PLCG2: variants seen among roughly 807,000 people sequenced by gnomAD.
The protein encoded by PLCG2 is 1-phosphatidylinositol 4,5-bisphosphate phosphodiesterase gamma-2.
Under a neutral mutation model 175.6 loss-of-function variants are expected in PLCG2, and 69 were observed. The observed-to-expected ratio is 0.39, with a 90% CI of 0.32 to 0.48. The LOEUF (loss-of-function observed/expected upper bound fraction) is 0.48. Among genes scored for constraint, PLCG2 ranks in the 20% least tolerant of loss-of-function variants. PLCG2 has a pLI of 0.91. For synonymous variants in PLCG2, 827 were observed against 624.0 expected, an observed-to-expected ratio of 1.33 and a Z score of -4.85; for missense variants, 1,798 against 1,650.9, an observed-to-expected ratio of 1.09 and a Z score of -1.54.
chr16:81,945,671 A>G (rs955228872), intron 30 of PLCG2, among the ~76,000 whole-genome samples: 5 of 152,242 alleles, frequency 3.3e-5, no homozygotes, highest in African/African-American at 1.2e-4. Context: ...AATTGTAAAG[A>G]GGGAATGGCT....
At chr16:81,799,507 C>T (rs1169385238) in intron 2 of PLCG2, among the ~76,000 whole-genome samples, 1 of 152,112 alleles carries the variant, frequency 6.6e-6, no homozygotes, top group African/African-American at 2.4e-5. Context: ...TCACTGTAGC[C>T]TTGAACTCCT....
intron 5 of PLCG2, among the ~76,000 whole-genome samples, chr16:81,860,477 G>T (rs1185827462): frequency 6.6e-6 from 1 of 152,034 alleles, no homozygotes; most frequent in Admixed American, 6.6e-5. Flanking sequence ...GTAGCAATTT[G>T]TATAATATTT....
intron 17 of PLCG2, 79 bp downstream of exon 17, chr16:81,908,670 C>G: frequency 7.6e-7 from 1 of 1,319,704 alleles, no homozygotes; most frequent in Non-Finnish European, 1.0e-6. Context: ...GGTTCTAGCT[C>G]AGGCAGGAAT....
intron 5 of PLCG2, among the ~76,000 whole-genome samples, chr16:81,866,766 C>T (rs1386416794): frequency 1.3e-5 from 2 of 152,184 alleles, no homozygotes; most frequent in African/African-American, 2.4e-5. Flanking sequence ...AGGATGGGCT[C>T]CACTGGGGCA....
chr16:81,756,597 GGTGGTGGGGGAAAGAAGGAAGCTAAGT>G (rs1452763077), intron 2 of PLCG2, among the ~76,000 whole-genome samples: 18 of 152,182 alleles, frequency 1.2e-4, no homozygotes, highest in African/African-American at 3.9e-4. Context: ...CAGGCACAGA[GGTGGTGGGGGAAAGAAGGAAGCTAAGT>G]GAGAGGTACC....
At chr16:81,955,756 C>T (rs370810146) in intron 31 of PLCG2, among the ~76,000 whole-genome samples, 3 of 152,300 alleles carry the variant, frequency 2.0e-5, no homozygotes, top group South Asian at 4.1e-4. Flanking sequence ...CCCACGGATG[C>T]GTCTAGTTGG....
intron 5 of PLCG2, among the ~76,000 whole-genome samples, chr16:81,860,613 G>C (rs1193438405): frequency 6.6e-6 from 1 of 152,076 alleles, no homozygotes; most frequent in Non-Finnish European, 1.5e-5. Flanking sequence ...TATGGGTGAG[G>C]TTGAGCATTT....
chr16:81,804,172 T>A (rs1421076327), intron 2 of PLCG2, among the ~76,000 whole-genome samples: 1 of 152,216 alleles, frequency 6.6e-6, no homozygotes, highest in East Asian at 1.9e-4. Context: ...CCACCAGCAA[T>A]GTATGAGGGC....
intron 2 of PLCG2, among the ~76,000 whole-genome samples, chr16:81,764,518 G>A (rs780735825): frequency 1.1e-4 from 16 of 152,292 alleles, no homozygotes; most frequent in South Asian, 4.1e-4. Context: ...ACACTTTTGC[G>A]ACACTGATCA....
In PLCG2 at chr16:81,880,923, T is replaced by G; in HGVS notation, c.662T>G (p.Phe221Cys). The G allele has an allele frequency of 6.2e-7, 1 of 1,614,208 alleles. No individual in the cohort carries two copies. The highest frequency in any genetic ancestry group is 8.5e-7 in the Non-Finnish European group (1 of 1,180,008). The change falls in exon 8 of 33, where the codon TTC (phenylalanine) becomes TGC (cysteine). Residue 221 changes from phenylalanine to cysteine, a missense_variant. Phe to Cys is a radical substitution (Grantham distance 205). Coordinates refer to ENST00000564138, the MANE Select transcript of PLCG2 (RefSeq NM_002661.5). Reference sequence around the variant, plus strand: ...TTTCCATTTCAGATTCTCGATGAATTCAAAAAGGATTCGTCCGTGTTCATC... The same window carrying G: ...TTTCCATTTCAGATTCTCGATGAATGCAAAAAGGATTCGTCCGTGTTCATC... ...FEQQKSILDE[F>C]KKDSSVFILG...
At chr16:81,765,800 C>T (rs140461589) in intron 2 of PLCG2, among the ~76,000 whole-genome samples, 1 of 152,148 alleles carries the variant, frequency 6.6e-6, no homozygotes, top group East Asian at 1.9e-4. Flanking sequence ...GGCTGGTTGA[C>T]AGCTAAGTTC....
chr16:81,867,766 C>T lies in PLCG2; in HGVS notation c.480-1448C>T, dbSNP rs1007830134. 3.0e-4 allele frequency among the ~76,000 whole-genome samples: 45 copies of T among 151,932 alleles called. 1 individual carries two copies. Among genetic ancestry groups the T allele is most frequent in the Admixed American group, 2.2e-3 (33 of 15,246 alleles). On this transcript the variant is annotated intron_variant, in intron 5 of 32. Transcript: ENST00000564138. ...AGGCTGGAGTGCAGTGGCGTGATCT[C>T]GGCTCACTGCAAGCTCCGCCTCCCG... is the stretch of plus-strand genomic sequence containing the variant.
In PLCG2 at chr16:81,866,612, A is replaced by G. The variant is rs1322513506; in HGVS notation, c.480-2602A>G. 4.1e-5 allele frequency among the ~76,000 whole-genome samples: 4 copies of G among 96,438 alleles called. 1 individual carries two copies. Among genetic ancestry groups the G allele is most frequent in the Non-Finnish European group, 7.4e-5 (3 of 40,274 alleles). 63.3% of individuals were successfully genotyped at this position (96,438 alleles called of 152,430 possible). A position where few individuals can be genotyped will look rare whatever the true frequency, so the allele number is the denominator to read the frequency against. On this transcript the variant is annotated intron_variant, in intron 5 of 32. Coordinates refer to ENST00000564138, the MANE Select transcript of PLCG2 (RefSeq NM_002661.5). ...AGATGAGCTCCACTGGGGCACTAGC[A>G]TGAGAGGATGCTGGCCTCTCCCTTG...
chr16:81,743,914 A>G (rs1909650320), intron 1 of PLCG2, among the ~76,000 whole-genome samples: 1 of 150,692 alleles, frequency 6.6e-6, no homozygotes, highest in African/African-American at 2.4e-5. Flanking sequence ...GCTGGAGTGC[A>G]GTGGTACGAT....
intron 13 of PLCG2, among the ~76,000 whole-genome samples, chr16:81,897,574 C>T (rs1225801031): frequency 8.0e-6 from 1 of 125,588 alleles, no homozygotes; most frequent in African/African-American, 3.0e-5. Context: ...GAGATGGAGT[C>T]TCCCTCTGTC....
chr16:81,794,829 A>T (rs1911395063), intron 2 of PLCG2, among the ~76,000 whole-genome samples: 1 of 152,220 alleles, frequency 6.6e-6, no homozygotes. Flanking sequence ...TTCCATTTAT[A>T]TGAGGATTTT....
At chr16:81,879,970 G>C (rs1390928356) in intron 7 of PLCG2, among the ~76,000 whole-genome samples, 4 of 152,180 alleles carry the variant, frequency 2.6e-5, no homozygotes, top group African/African-American at 4.8e-5. Flanking sequence ...CTAAAGATTT[G>C]AAATGTTGCC....
At chr16:81,804,634 G>A (rs939290794) in intron 2 of PLCG2, among the ~76,000 whole-genome samples, 4 of 152,146 alleles carry the variant, frequency 2.6e-5, no homozygotes, top group Admixed American at 6.5e-5. Context: ...CAAATGTTGC[G>A]GTGAAGCATA....
chr16:81,945,507 G>C (rs1323789292), intron 30 of PLCG2, among the ~76,000 whole-genome samples: 1 of 152,206 alleles, frequency 6.6e-6, no homozygotes, highest in African/African-American at 2.4e-5. Flanking sequence ...TTTCAGCCCT[G>C]TGTTCTTTTA....
Sources: gnomAD v4.1 joint callset for allele counts (sites outside exome capture counted in the v4.1 genomes callset) on GRCh38, gnomAD v4.1.1 for gene constraint, MANE v1.5 for transcripts, NCBI Gene and HGNC (gene_info 2026-07-23, HGNC 2026-07-21) for gene names.